Variants in SRXN1 observed in about 807,000 individuals in gnomAD.
SRXN1 encodes the protein sulfiredoxin 1, also known as sulfiredoxin-1.
SRXN1 carries 11 observed loss-of-function variants against 11.0 expected under a neutral mutation model. The observed-to-expected ratio is 1.00, with a 90% confidence interval of 0.63 to 1.65. The LOEUF (loss-of-function observed/expected upper bound fraction) is 1.65. Among genes scored for constraint, SRXN1 ranks in the 40% most tolerant of loss-of-function variants. The pLI is 0.00. For missense variants in SRXN1, 211 were observed against 194.5 expected (o/e 1.08, Z -0.50); for synonymous variants, 106 against 92.8 (o/e 1.14, Z -0.82).
Position 648,895 on chromosome 20 carries a change from G to A in SRXN1, c.233C>T (p.Pro78Leu), listed in dbSNP as rs762741667. The part of the protein sequence containing the change: ...TIREDPDSVP[P>L]IDVLWIKGAQ... Reference sequence around the variant, plus strand: ...CCCTTTGATCCAGAGGACATCGATGGGGGGCACGCTGTCTGGGTCCTCCTG... The same window carrying A: ...CCCTTTGATCCAGAGGACATCGATGAGGGGCACGCTGTCTGGGTCCTCCTG... The change falls in exon 2 of 2, where the codon CCC becomes CTC. Residue 78 changes from proline to leucine, a missense_variant. Coordinates refer to ENST00000381962, the MANE Select transcript of SRXN1 (RefSeq NM_080725.3). The A allele has an allele frequency of 9.9e-6, 16 of 1,614,150 alleles. No homozygotes were observed. Among genetic ancestry groups the A allele is most frequent in the Non-Finnish European group, 1.3e-5 (15 of 1,180,028 alleles).
At position 648,868 on chromosome 20, in the gene SRXN1, G is replaced by GCCC. The variant is rs1464153326; in HGVS notation, c.257_259dup (p.Gly86dup). On this transcript the variant is annotated inframe_insertion, in exon 2 of 2. Coordinates refer to ENST00000381962, the MANE Select transcript of SRXN1 (RefSeq NM_080725.3). ...GGAGTAGAAGTAGTCACCTCCCTGG[G>GCCC]CCCCTTTGATCCAGAGGACATCGAT... 3 of 1,614,114 alleles carry GCCC rather than the reference G, an allele frequency of 1.9e-6. No homozygotes were observed. Among genetic ancestry groups the GCCC allele is most frequent in the Non-Finnish European group, 2.5e-6 (3 of 1,180,056 alleles).
rs1568638585 is a variant in SRXN1 at position 648,474 on chromosome 20, C to T, written c.*240G>A. The T allele has an allele frequency of 3.1e-6, 2 of 650,054 alleles. No individual in the cohort carries two copies. Among genetic ancestry groups the T allele is most frequent in the South Asian group, 3.1e-5 (2 of 64,836 alleles). The allele number at this position is 650,054 out of a possible 1,614,324, so 40.3% of individuals were successfully genotyped here. On this transcript the variant is annotated 3_prime_UTR_variant, in exon 2 of 2. Transcript: ENST00000381962. ...CTTCAAGCCCATCTCTGTTCTCCTT[C>T]TCGGTAATGCTTCAAGGGTAAGGCC...
At position 647,945 on chromosome 20, in the gene SRXN1, A is replaced by G. The variant is rs1032656621; in HGVS notation, c.*769T>C. The G allele has an allele frequency of 2.5e-6, 1 of 395,488 alleles. No individual in the cohort carries two copies. The highest frequency in any genetic ancestry group is 2.1e-5 in the African/African-American group (1 of 48,438). 24.5% of individuals were successfully genotyped at this position (395,488 alleles called of 1,614,324 possible). On this transcript the variant is annotated 3_prime_UTR_variant, in exon 2 of 2. Transcript: ENST00000381962. ...TGGAACACGATTGGTCTATTCAGCC[A>G]TGACAATTCTGTTCCCTGCTGTCTT...
At chr20:650,960 A>G (rs1374503333) in intron 1 of SRXN1, among the ~76,000 whole-genome samples, 1 of 152,256 alleles carries the variant, frequency 6.6e-6, no homozygotes, top group Admixed American at 6.5e-5. Flanking sequence ...AATTAAGGTA[A>G]GGATCCTGAG....
intron 1 of SRXN1, among the ~76,000 whole-genome samples, chr20:649,172 G>A (rs1299920430): frequency 6.6e-6 from 1 of 152,212 alleles, no homozygotes; most frequent in Non-Finnish European, 1.5e-5. Context: ...ACATGTATCA[G>A]CACACCACAT....
rs1411399296 is a variant in SRXN1, at chr20:648,053, G to A, written c.*661C>T. 4 of 456,252 alleles carry A rather than the reference G, an allele frequency of 8.8e-6. No individual in the cohort carries two copies. Among genetic ancestry groups the A allele is most frequent in the East Asian group, 6.9e-5 (1 of 14,394 alleles). The allele number at this position is 456,252 out of a possible 1,614,324, so 28.3% of individuals were successfully genotyped here. On this transcript the variant is annotated 3_prime_UTR_variant, in exon 2 of 2. Transcript: ENST00000381962. ...TGAAGATATGCAGAGGGAGAGAGCAGGAAACAGACTTCTGACGAGGTTTTA... is the reference window on the plus strand; with the variant it reads ...TGAAGATATGCAGAGGGAGAGAGCAAGAAACAGACTTCTGACGAGGTTTTA...
At chr20:651,065 T>G (rs1172932921) in intron 1 of SRXN1, among the ~76,000 whole-genome samples, 1 of 152,158 alleles carries the variant, frequency 6.6e-6, no homozygotes, top group Non-Finnish European at 1.5e-5. Flanking sequence ...GTCAGAGTGA[T>G]GCGATGTGAG....
chr20:649,574 T>C (rs950354467), intron 1 of SRXN1, among the ~76,000 whole-genome samples: 12 of 152,098 alleles, frequency 7.9e-5, no homozygotes, highest in African/African-American at 2.7e-4. Flanking sequence ...TGGTGGTGTA[T>C]GCCTGTAATC....
chr20:650,796 T>C (rs1983652739), intron 1 of SRXN1, among the ~76,000 whole-genome samples: 1 of 152,198 alleles, frequency 6.6e-6, no homozygotes. Flanking sequence ...CGGGCATTAG[T>C]GGAGCACTAA....
chr20:650,303 G>A (rs1309710985), intron 1 of SRXN1, among the ~76,000 whole-genome samples: 1 of 152,232 alleles, frequency 6.6e-6, no homozygotes, highest in East Asian at 1.9e-4. Context: ...TGGTCTGGAT[G>A]ATGGTGTGGT....
Position 652,965 on chromosome 20 carries a change from C to A in SRXN1, c.210+11G>T. ...CCTCCCTCCGGTTGGCTGGACTCCC[C>A]GAGGCCTCACCCGGATCGTGTCCAC... On this transcript the variant is annotated intron_variant, in intron 1 of 1. Transcript: ENST00000381962. 1 of 1,473,008 alleles carries A rather than the reference C, an allele frequency of 6.8e-7. No homozygotes were observed. 91.2% of individuals were successfully genotyped at this position (1,473,008 alleles called of 1,614,324 possible).
chr20:648,540 A>C lies in SRXN1; in HGVS notation c.*174T>G. 4.2e-6 allele frequency: 3 copies of C among 709,572 alleles called. No homozygotes were observed. Among genetic ancestry groups the C allele is most frequent in the Admixed American group, 4.5e-5 (2 of 44,148 alleles). The allele number at this position is 709,572 out of a possible 1,614,324, so 44.0% of individuals were successfully genotyped here. On this transcript the variant is annotated 3_prime_UTR_variant, in exon 2 of 2. Transcript: ENST00000381962. ...CAGAGGTGGGAACTGGGGCTCCCACACTGTACAGTGAGTCCAAGGCCTTGT... is the reference window on the plus strand; with the variant it reads ...CAGAGGTGGGAACTGGGGCTCCCACCCTGTACAGTGAGTCCAAGGCCTTGT...
chr20:651,017 C>T (rs1326296660), intron 1 of SRXN1, among the ~76,000 whole-genome samples: 1 of 152,216 alleles, frequency 6.6e-6, no homozygotes, highest in Non-Finnish European at 1.5e-5. Flanking sequence ...ATGCCATTAT[C>T]AGGGTCCTTA....
rs1983592177 is a variant in SRXN1, at chr20:648,503, A to T, written c.*211T>A. The T allele has an allele frequency of 1.5e-6, 1 of 659,666 alleles. No individual in the cohort carries two copies. The highest frequency in any genetic ancestry group is 2.7e-6 in the Non-Finnish European group (1 of 366,692). The allele number at this position is 659,666 out of a possible 1,614,324, so 40.9% of individuals were successfully genotyped here. Reference sequence around the variant, plus strand: ...GTAATGCTTCAAGGGTAAGGCCATGATCCTATTGTCACAGAGGTGGGAACT... The same window carrying T: ...GTAATGCTTCAAGGGTAAGGCCATGTTCCTATTGTCACAGAGGTGGGAACT... On this transcript the variant is annotated 3_prime_UTR_variant, in exon 2 of 2. Coordinates refer to ENST00000381962, the MANE Select transcript of SRXN1 (RefSeq NM_080725.3).
Position 647,913 on chromosome 20 carries a change from CA to C in SRXN1, c.*800del. On this transcript the variant is annotated 3_prime_UTR_variant, in exon 2 of 2. Coordinates refer to ENST00000381962, the MANE Select transcript of SRXN1 (RefSeq NM_080725.3). ...ATTGCAGGAGGCAGTGTGCCAGTCT[CA>C]GTAGATGGAACACGATTGGTCTATT... 1 of 362,714 alleles carries C rather than the reference CA, an allele frequency of 2.8e-6. No homozygotes were observed. Among genetic ancestry groups the C allele is most frequent in the Non-Finnish European group, 5.5e-6 (1 of 183,140 alleles). 22.5% of individuals were successfully genotyped at this position (362,714 alleles called of 1,614,324 possible). A position where few individuals can be genotyped will look rare whatever the true frequency, so the allele number is the denominator to read the frequency against.
At position 648,013 on chromosome 20, in the gene SRXN1, C is replaced by T; in HGVS notation, c.*701G>A. 2.2e-6 allele frequency: 1 copy of T among 451,220 alleles called. No individual in the cohort carries two copies. The highest frequency in any genetic ancestry group is 4.5e-6 in the Non-Finnish European group (1 of 223,914). The allele number at this position is 451,220 out of a possible 1,614,324, so 28.0% of individuals were successfully genotyped here. A position where few individuals can be genotyped will look rare whatever the true frequency, so the allele number is the denominator to read the frequency against. On this transcript the variant is annotated 3_prime_UTR_variant, in exon 2 of 2. Transcript: ENST00000381962. ...GAGGTGCAATGGTAGCTGGCTCGGG[C>T]CAAGGGCATCTAAGTGAAGATATGC...
At position 648,632 on chromosome 20, in the gene SRXN1, T is replaced by A; in HGVS notation, c.*82A>T. 2 of 1,483,188 alleles carry A rather than the reference T, an allele frequency of 1.3e-6. No individual in the cohort carries two copies. Among genetic ancestry groups the A allele is most frequent in the South Asian group, 2.3e-5 (2 of 85,526 alleles). 91.9% of individuals were successfully genotyped at this position (1,483,188 alleles called of 1,614,324 possible). A position where few individuals can be genotyped will look rare whatever the true frequency, so the allele number is the denominator to read the frequency against. On this transcript the variant is annotated 3_prime_UTR_variant, in exon 2 of 2. Transcript: ENST00000381962. ...GTGCAAAGAGAATGCACCCCTGCTA[T>A]CCCTTCTGCATGGCCCAGCCTGCTG...
At position 648,076 on chromosome 20, in the gene SRXN1, T is replaced by C; in HGVS notation, c.*638A>G. The C allele has an allele frequency of 2.2e-6, 1 of 456,278 alleles. No individual in the cohort carries two copies. The highest frequency in any genetic ancestry group is 4.4e-6 in the Non-Finnish European group (1 of 226,972). The allele number at this position is 456,278 out of a possible 1,614,324, so 28.3% of individuals were successfully genotyped here. The stretch of plus-strand genomic sequence containing the variant: ...CAGGAAACAGACTTCTGACGAGGTT[T>C]TACTTTCTGATAGAAGGTGACGGGT... On this transcript the variant is annotated 3_prime_UTR_variant, in exon 2 of 2. Coordinates refer to ENST00000381962, the MANE Select transcript of SRXN1 (RefSeq NM_080725.3).
intron 1 of SRXN1, among the ~76,000 whole-genome samples, chr20:652,484 G>T (rs540551716): frequency 6.6e-6 from 1 of 152,146 alleles, no homozygotes; most frequent in African/African-American, 2.4e-5. Flanking sequence ...TAGTCCCACT[G>T]TCACTGACTG....
Sources: gnomAD v4.1 joint callset for allele counts (sites outside exome capture counted in the v4.1 genomes callset) on GRCh38, gnomAD v4.1.1 for gene constraint, MANE v1.5 for transcripts, NCBI Gene and HGNC (gene_info 2026-07-23, HGNC 2026-07-21) for gene names.